Variants in LRPPRC observed in about 807,000 individuals in gnomAD.
LRPPRC encodes leucine-rich PPR motif-containing protein, mitochondrial.
A neutral mutation model predicts 180.3 loss-of-function variants in LRPPRC; 120 were observed. The observed-to-expected ratio is 0.67, with a 90% CI of 0.57 to 0.77. The LOEUF is 0.77. LRPPRC is among the 30% of genes least tolerant of loss of function. LRPPRC has a pLI of 0.00. For synonymous variants in LRPPRC, 723 were observed against 600.0 expected (o/e 1.21, Z -3.00); for missense variants, 2,012 against 1,657.2 (o/e 1.21, Z -3.72).
intron 29 of LRPPRC, among the ~76,000 whole-genome samples, chr2:43,914,811 A>G (rs185905875): frequency 6.4e-4 from 97 of 152,314 alleles, no homozygotes; most frequent in African/African-American, 2.3e-3. Context: ...CTCCACATTT[A>G]TAATACACAC....
intron 3 of LRPPRC, among the ~76,000 whole-genome samples, chr2:43,979,174 G>T (rs542454009): frequency 6.6e-6 from 1 of 152,030 alleles, no homozygotes; most frequent in South Asian, 2.1e-4. Context: ...GGTATAAAAA[G>T]GTCAAGTAAA....
chr2:43,983,369 G>C (rs1035483184), intron 1 of LRPPRC, among the ~76,000 whole-genome samples: 3 of 151,858 alleles, frequency 2.0e-5, no homozygotes, highest in Admixed American at 2.0e-4. Flanking sequence ...ATATTTTTAG[G>C]TTTATAGAAA....
rs761470523 is a variant in LRPPRC, at chr2:43,974,254, C to A, written c.1051G>T (p.Glu351Ter). 6 of 1,611,892 alleles carry A rather than the reference C, an allele frequency of 3.7e-6. No homozygotes were observed. Among genetic ancestry groups the A allele is most frequent in the Non-Finnish European group, 5.1e-6 (6 of 1,177,970 alleles). Residue 351 changes from glutamate to a stop codon, truncating the protein, a stop_gained, in exon 9 of 38, where the codon GAA (glutamate) becomes TAA (stop). Transcript: ENST00000260665. LOFTEE classifies it high-confidence loss of function. ...AGTAAAATTTGCAACGCTACATCTT[C>A]CAATTTTTCAGTGACTAAAAGTAAA... Reference protein sequence around the residue: ...LILLLVTEKLEDVALQILLAC... With the variant: ...LILLLVTEKL
chr2:43,912,659 G>T, intron 29 of LRPPRC, 101 bp from the exon 30 acceptor site: 1 of 928,496 alleles, frequency 1.1e-6, no homozygotes. Context: ...AAATATTTTT[G>T]CTTTTTAATA....
chr2:43,962,896 C>A (rs769685109), intron 12 of LRPPRC, among the ~76,000 whole-genome samples: 1 of 152,104 alleles, frequency 6.6e-6, no homozygotes, highest in Non-Finnish European at 1.5e-5. Context: ...TGCTTAAGCC[C>A]AGAGTTCAAG....
chr2:43,949,562 AT>A, intron 16 of LRPPRC, 39 bp downstream of exon 16: 1 of 1,533,580 alleles, frequency 6.5e-7, no homozygotes, highest in East Asian at 2.2e-5. Flanking sequence ...AGAAAAATGG[AT>A]TTGTGGATAA....
chr2:43,958,597 G>A lies in LRPPRC; in HGVS notation c.1583-1146C>T, dbSNP rs544222334. 6.6e-5 allele frequency among the ~76,000 whole-genome samples: 10 copies of A among 152,276 alleles called. No individual in the cohort carries two copies. In the South Asian group the frequency reaches 1.9e-3, roughly 28 times the overall value. On this transcript the variant is annotated intron_variant, in intron 13 of 37. Transcript: ENST00000260665. ...AATGACCTGCACTGAGTCACTCAAG[G>A]AATTTTAAAGGGAACACCACCACAT... is the stretch of plus-strand genomic sequence containing the variant.
chr2:43,960,479 A>G lies in LRPPRC; in HGVS notation c.1582+62T>C, dbSNP rs1673300556. 9 of 905,078 alleles carry G rather than the reference A, an allele frequency of 9.9e-6. No homozygotes were observed. The Admixed American group carries it at 1.2e-4, about 12-fold the overall frequency. The allele number at this position is 905,078 out of a possible 1,614,324, so 56.1% of individuals were successfully genotyped here. A position where few individuals can be genotyped will look rare whatever the true frequency, so the allele number is the denominator to read the frequency against. On this transcript the variant is annotated intron_variant, in intron 13 of 37. Transcript: ENST00000260665. ...GCTTTCATTGCGTGAACCACCCTGC[A>G]TGCCCTCAATAGTAACTGAAATAAA...
chr2:43,968,514 T>G (rs920097189), intron 11 of LRPPRC, among the ~76,000 whole-genome samples: 2 of 152,202 alleles, frequency 1.3e-5, no homozygotes, highest in Non-Finnish European at 2.9e-5. Context: ...ATATTACCAC[T>G]TGGCTTAGAT....
rs1246384751 is a variant in LRPPRC, at chr2:43,945,382, C to A, written c.2246G>T (p.Gly749Val). 2.5e-6 allele frequency: 4 copies of A among 1,612,342 alleles called. No homozygotes were observed. The highest frequency in any genetic ancestry group is 3.4e-6 in the Non-Finnish European group (4 of 1,178,698). The part of the protein sequence containing the change: ...RLDSSAVLDT[G>V]KYVGLVRVLA... Reference sequence around the variant, plus strand: ...TACTCTTACAAGGCCTACATACTTGCCGGTGTCAAGGACAGCAGATGAATC... The same window carrying A: ...TACTCTTACAAGGCCTACATACTTGACGGTGTCAAGGACAGCAGATGAATC... The change falls in exon 22 of 38, where the codon GGC becomes GTC. Residue 749 changes from glycine (G) to valine (V), a missense_variant. Coordinates refer to ENST00000260665, the MANE Select transcript of LRPPRC (RefSeq NM_133259.4).
intron 1 of LRPPRC, among the ~76,000 whole-genome samples, chr2:43,992,723 A>C (rs1440312108): frequency 6.6e-6 from 1 of 152,198 alleles, no homozygotes; most frequent in Non-Finnish European, 1.5e-5. Context: ...AAATATGTAG[A>C]TATCCAGGAT....
chr2:43,900,152 T>C (rs1331768650), intron 32 of LRPPRC, among the ~76,000 whole-genome samples: 1 of 152,112 alleles, frequency 6.6e-6, no homozygotes, highest in Non-Finnish European at 1.5e-5. Flanking sequence ...TCAGGTATTA[T>C]ACATTTGGAA....
At chr2:43,943,497 T>G (rs184651668) in intron 23 of LRPPRC, among the ~76,000 whole-genome samples, 190 bp downstream of exon 23, 1 of 152,068 alleles carries the variant, frequency 6.6e-6, no homozygotes, top group Non-Finnish European at 1.5e-5. Context: ...TCCATTGATA[T>G]GTAAAGCCAC....
At chr2:43,956,491 G>GTGTGTGTT (rs1338679713) in intron 14 of LRPPRC, among the ~76,000 whole-genome samples, 39 of 151,658 alleles carry the variant, frequency 2.6e-4, no homozygotes, top group African/African-American at 9.0e-4. Context: ...GTGTGTGTGT[G>GTGTGTGTT]TGTGTGTGTG....
intron 27 of LRPPRC, among the ~76,000 whole-genome samples, chr2:43,923,572 C>A (rs1671772734): frequency 1.3e-5 from 2 of 152,140 alleles, no homozygotes; most frequent in Non-Finnish European, 2.9e-5. Flanking sequence ...CTTAGACTAC[C>A]ACATACTTAC....
At chr2:43,935,269 C>A (rs1212536425) in intron 23 of LRPPRC, among the ~76,000 whole-genome samples, 1 of 152,214 alleles carries the variant, frequency 6.6e-6, no homozygotes, top group Non-Finnish European at 1.5e-5. Context: ...TTTCCAATCA[C>A]TTACGTGCCT....
intron 11 of LRPPRC, among the ~76,000 whole-genome samples, chr2:43,971,133 C>T (rs1673787509): frequency 6.6e-6 from 1 of 150,586 alleles, no homozygotes; most frequent in African/African-American, 2.4e-5. Context: ...TTCTATTCAA[C>T]CACTTCACTC....
At chr2:43,947,492 G>C in intron 19 of LRPPRC, 122 bp from the exon 20 acceptor site, 1 of 674,022 alleles carries the variant, frequency 1.5e-6, no homozygotes, top group South Asian at 1.7e-5. Context: ...AATGCTATCA[G>C]GGATATTAAT....
intron 23 of LRPPRC, among the ~76,000 whole-genome samples, chr2:43,942,662 TAAAGAA>T (rs1463597639): frequency 1.3e-5 from 2 of 152,030 alleles, no homozygotes; most frequent in African/African-American, 2.4e-5. Context: ...CTCTAATAAA[TAAAGAA>T]AAACTACCAG....
Sources: allele counts gnomAD v4.1 joint callset (sites outside exome capture counted in the v4.1 genomes callset), GRCh38; gene constraint gnomAD v4.1.1; transcripts MANE v1.5; gene names NCBI Gene and HGNC (gene_info 2026-07-23, HGNC 2026-07-21).